CACNA1D: variants seen among roughly 807,000 people sequenced by gnomAD.
The protein encoded by CACNA1D is calcium voltage-gated channel subunit alpha1 D, also known as voltage-dependent L-type calcium channel subunit alpha-1D.
CACNA1D carries 55 observed loss-of-function variants against 257.1 expected under a neutral mutation model. The observed-to-expected ratio is 0.21, with a 90% CI of 0.17 to 0.27. The LOEUF (loss-of-function observed/expected upper bound fraction) is 0.27, where lower values mean the gene tolerates loss of function less well. Ranked by LOEUF, CACNA1D falls within the 10% of genes least tolerant of loss-of-function variation. CACNA1D has a pLI of 1.00. For synonymous variants in CACNA1D, 980 were observed against 1,014.9 expected, an observed-to-expected ratio of 0.97 and a Z score of 0.65; for missense variants, 1,876 against 2,784.0, an observed-to-expected ratio of 0.67 and a Z score of 7.34.
At position 53,776,016 on chromosome 3, in the gene CACNA1D, A is replaced by G. The variant is rs766268857; in HGVS notation, c.4333A>G (p.Ile1445Val). The change falls in exon 35 of 48, where the codon ATC becomes GTC. Residue 1445 changes from isoleucine (I) to valine (V), a missense_variant. Coordinates refer to ENST00000350061, the MANE Select transcript of CACNA1D (RefSeq NM_001128840.3). Reference sequence around the variant, plus strand: ...GAGCAACTTTGCCATTGTCTATTTCATCAGTTTTTACATGCTCTGTGCATT... The same window carrying G: ...GAGCAACTTTGCCATTGTCTATTTCGTCAGTTTTTACATGCTCTGTGCATT... ...CGSNFAIVYF[I>V]SFYMLCAFLI... The G allele has an allele frequency of 7.4e-6, 12 of 1,614,160 alleles. No individual in the cohort carries two copies. The highest frequency in any genetic ancestry group is 1.0e-5 in the Non-Finnish European group (12 of 1,180,012).
chr3:53,648,542 C>A (rs929752190), intron 3 of CACNA1D, among the ~76,000 whole-genome samples: 1 of 152,154 alleles, frequency 6.6e-6, no homozygotes, highest in African/African-American at 2.4e-5. Flanking sequence ...CTCCAGCAGC[C>A]ACGCCTCGCA....
At chr3:53,538,912 G>A (rs1213921533) in intron 3 of CACNA1D, among the ~76,000 whole-genome samples, 1 of 152,120 alleles carries the variant, frequency 6.6e-6, no homozygotes, top group Non-Finnish European at 1.5e-5. Flanking sequence ...AAAGAACACA[G>A]CAGAGCACCG....
At chr3:53,575,867 A>G (rs990478699) in intron 3 of CACNA1D, among the ~76,000 whole-genome samples, 3 of 152,256 alleles carry the variant, frequency 2.0e-5, no homozygotes, top group African/African-American at 7.2e-5. Flanking sequence ...TACTGGCAAA[A>G]GTCACTAAGA....
chr3:53,774,618 A>C lies in CACNA1D; in HGVS notation c.4142A>C (p.Asn1381Thr), dbSNP rs1461507326. Residue 1381 changes from asparagine (N) to threonine (T), a missense_variant, in exon 34 of 48, where the codon AAC (asparagine) becomes ACC (threonine). Physicochemically the swap from Asn to Thr is moderately conservative, Grantham distance 65 (BLOSUM62 0). Around this residue, in one of 10 missense-constraint regions of CACNA1D, gnomAD observed 204 missense variants for 309.4 expected, o/e 0.66. Transcript: ENST00000350061. This position sits in a 1 kb window ranked among gnomAD's most constrained non-coding sequence, Gnocchi z 4.3. ...GGGAAAGTTGCCATGAGAGATAACA[A>C]CCAGATCAATAGGAACAATAACTTC... ...MFGKVAMRDN[N>T]QINRNNNFQT... 6 of 1,611,906 alleles carry C rather than the reference A, an allele frequency of 3.7e-6. No individual in the cohort carries two copies. Among genetic ancestry groups the C allele is most frequent in the Non-Finnish European group, 5.1e-6 (6 of 1,177,970 alleles).
At chr3:53,660,383 T>A in intron 5 of CACNA1D, 108 bp downstream of exon 5, 2 of 1,025,760 alleles carry the variant, frequency 1.9e-6, no homozygotes, top group South Asian at 1.3e-5. Context: ...CAGCCAGGGG[T>A]CAGCAGATGA....
chr3:53,594,730 G>A lies in CACNA1D; in HGVS notation c.484-56049G>A, dbSNP rs375293583. 4.6e-5 allele frequency among the ~76,000 whole-genome samples: 7 copies of A among 152,396 alleles called. No individual in the cohort carries two copies. In the South Asian group the frequency reaches 1.0e-3, roughly 23 times the overall value. On this transcript the variant is annotated intron_variant, in intron 3 of 47. Transcript: ENST00000350061. Reference sequence around the variant, plus strand: ...TCCCACTCTCTGCATGCAGAAAAGAGCAGCAGCCTTCTTGAAGCCTTCTTA... The same window carrying A: ...TCCCACTCTCTGCATGCAGAAAAGAACAGCAGCCTTCTTGAAGCCTTCTTA...
At chr3:53,760,693 C>T (rs573611406) in intron 29 of CACNA1D, among the ~76,000 whole-genome samples, 6 of 152,254 alleles carry the variant, frequency 3.9e-5, no homozygotes, top group Admixed American at 1.3e-4. Flanking sequence ...GTAAAATGTC[C>T]GGCACATACA....
chr3:53,606,066 G>C (rs554636422), intron 3 of CACNA1D, among the ~76,000 whole-genome samples: 53 of 152,354 alleles, frequency 3.5e-4, no homozygotes, highest in Admixed American at 3.0e-3. Context: ...AAGAAGGCTG[G>C]TGTGGGAATT....
At chr3:53,801,536 T>A in intron 42 of CACNA1D, 111 bp downstream of exon 42, 1 of 1,377,102 alleles carries the variant, frequency 7.3e-7, no homozygotes, top group Non-Finnish European at 1.0e-6. Context: ...TGGAGGAGGT[T>A]CCCCGTAGGC....
intron 30 of CACNA1D, among the ~76,000 whole-genome samples, chr3:53,768,579 T>C (rs1384153631): frequency 6.6e-6 from 1 of 152,216 alleles, no homozygotes; most frequent in Non-Finnish European, 1.5e-5. Context: ...GAAATAAAAA[T>C]AGCAATCCTG....
chr3:53,574,386 C>G (rs1241422365), intron 3 of CACNA1D, among the ~76,000 whole-genome samples: 1 of 152,198 alleles, frequency 6.6e-6, no homozygotes. Flanking sequence ...CCTTGGTGTT[C>G]TCATCAGCAC....
intron 3 of CACNA1D, among the ~76,000 whole-genome samples, chr3:53,559,642 G>A (rs977444978): frequency 6.6e-6 from 1 of 152,128 alleles, no homozygotes; most frequent in Non-Finnish European, 1.5e-5. Context: ...AAATCTGAAG[G>A]CCACTGGCAT....
intron 3 of CACNA1D, among the ~76,000 whole-genome samples, chr3:53,508,619 T>G (rs1453750189): frequency 6.6e-6 from 1 of 152,218 alleles, no homozygotes; most frequent in Non-Finnish European, 1.5e-5. Context: ...TAACAATGAT[T>G]GCATCAGAAA....
Position 53,735,429 on chromosome 3 carries a change from C to A in CACNA1D, c.2677C>A (p.Leu893Ile). 1 of 1,613,972 alleles carries A rather than the reference C, an allele frequency of 6.2e-7. No homozygotes were observed. The highest frequency in any genetic ancestry group is 8.5e-7 in the Non-Finnish European group (1 of 1,179,802). The change falls in exon 20 of 48, where the codon CTT (leucine) becomes ATT (isoleucine). Residue 893 changes from leucine (L) to isoleucine (I), a missense_variant. Around this residue, in one of 10 missense-constraint regions of CACNA1D, gnomAD observed 271 missense variants for 425.5 expected, o/e 0.64. Transcript: ENST00000350061. The stretch of plus-strand genomic sequence containing the variant: ...CCACCACATCTTCACCAACCTCATC[C>A]TTGTCTTCATCATGCTGAGCAGCGC... ...INHHIFTNLI[L>I]VFIMLSSAAL...
In CACNA1D at chr3:53,495,136, C is replaced by A. The variant is rs753072219; in HGVS notation, c.-31C>A. On this transcript the variant is annotated 5_prime_UTR_variant, in exon 1 of 48. Coordinates refer to ENST00000350061, the MANE Select transcript of CACNA1D (RefSeq NM_001128840.3). This position sits in a 1 kb window ranked among gnomAD's most constrained non-coding sequence, Gnocchi z 5.1. ...CCTCAACGCCCAGCACAGTGCCCTG[C>A]ACACAGTAGTCGCTCAATAAATGTT... 65 of 1,590,902 alleles carry A rather than the reference C, an allele frequency of 4.1e-5. No individual in the cohort carries two copies. Among genetic ancestry groups the A allele is most frequent in the Non-Finnish European group, 4.9e-5 (57 of 1,160,546 alleles).
At chr3:53,717,302 T>C (rs924225904) in intron 9 of CACNA1D, among the ~76,000 whole-genome samples, 6 of 152,254 alleles carry the variant, frequency 3.9e-5, no homozygotes, top group Non-Finnish European at 8.8e-5. Flanking sequence ...TCACAGCTGA[T>C]GGAAGTGAGC....
At chr3:53,619,149 C>G (rs146326365) in intron 3 of CACNA1D, among the ~76,000 whole-genome samples, 1 of 152,336 alleles carries the variant, frequency 6.6e-6, no homozygotes, top group African/African-American at 2.4e-5. Flanking sequence ...GCACACCCCA[C>G]AGTGGCTCTG....
chr3:53,732,791 A>G, intron 18 of CACNA1D, 24 bp from the exon 19 acceptor site: 3 of 1,607,134 alleles, frequency 1.9e-6, no homozygotes, highest in Non-Finnish European at 2.6e-6. Context: ...TTTCATGCCT[A>G]TAAAAAAAGT....
intron 3 of CACNA1D, among the ~76,000 whole-genome samples, chr3:53,623,982 C>T (rs553450336): frequency 6.6e-6 from 1 of 152,314 alleles, no homozygotes; most frequent in African/African-American, 2.4e-5. Context: ...GGCTTTTCAA[C>T]AGAGATTTTA....
Sources: allele counts gnomAD v4.1 joint callset (sites outside exome capture counted in the v4.1 genomes callset), GRCh38; gene constraint gnomAD v4.1.1; regional missense constraint gnomAD v4.1.1; non-coding constraint Gnocchi (gnomAD v3.1); transcripts MANE v1.5; gene names NCBI Gene and HGNC (gene_info 2026-07-23, HGNC 2026-07-21).